The following HRH1 variants were observed in gnomAD, a reference collection of about 807,000 sequenced individuals.
HRH1 encodes the protein histamine H1 receptor.
In HRH1, 6 loss-of-function variants were observed where a neutral mutation model predicts 10.3. That is an observed-to-expected ratio of 0.58 (90% CI 0.32 to 1.15). The LOEUF (loss-of-function observed/expected upper bound fraction) is 1.15, where lower values mean the gene tolerates loss of function less well. HRH1 is among the 50% of genes most tolerant of loss of function. The pLI is 0.05. For missense variants in HRH1, 514 were observed against 615.3 expected (o/e 0.84, Z 1.74); for synonymous variants, 242 against 236.7 (o/e 1.02, Z -0.21).
chr3:11,166,388 A>G (rs1404571298), intron 1 of HRH1, among the ~76,000 whole-genome samples: 8 of 152,242 alleles, frequency 5.3e-5, no homozygotes, highest in Admixed American at 2.0e-4. Context: ...CATTCATTCA[A>G]CAACATCTAT....
In HRH1 at chr3:11,215,709, G is replaced by T. The variant is rs567915384; in HGVS notation, c.-35-43294G>T. 1.2e-4 allele frequency among the ~76,000 whole-genome samples: 19 copies of T among 152,310 alleles called. 1 individual carries two copies. In the South Asian group the frequency reaches 3.3e-3, roughly 27 times the overall value. ...GCCCGCCTCGGCCTCTCAGAGTGCT[G>T]GGATTACAGGCGTGAGCCACCGCGC... On this transcript the variant is annotated intron_variant, in intron 1 of 1. Coordinates refer to ENST00000431010, the MANE Select transcript of HRH1 (RefSeq NM_001098212.2).
intron 1 of HRH1, among the ~76,000 whole-genome samples, chr3:11,189,864 C>T (rs1267194545): frequency 6.6e-6 from 1 of 152,068 alleles, no homozygotes; most frequent in Non-Finnish European, 1.5e-5. Flanking sequence ...GCACAAGAAT[C>T]GCTTCAACCC....
chr3:11,212,690 G>C (rs907647161), intron 1 of HRH1, among the ~76,000 whole-genome samples: 1 of 152,162 alleles, frequency 6.6e-6, no homozygotes, highest in Non-Finnish European at 1.5e-5. Context: ...AAGTCCACAA[G>C]TACCTTTCGG....
chr3:11,171,945 G>A (rs1007885524), intron 1 of HRH1, among the ~76,000 whole-genome samples: 6 of 152,228 alleles, frequency 3.9e-5, no homozygotes, highest in Admixed American at 2.0e-4. Context: ...AAATATATTT[G>A]TGCAGGAGAT....
chr3:11,258,229 C>T (rs1270342546), intron 1 of HRH1, among the ~76,000 whole-genome samples: 1 of 100,314 alleles, frequency 1.0e-5, no homozygotes, highest in Non-Finnish European at 1.8e-5. Context: ...ACTGCCACAA[C>T]AGTGATGTAA....
chr3:11,261,337 G>T lies in HRH1; in HGVS notation c.*836G>T, dbSNP rs573821197. ...AATGGGGGCAGAATGCCATATTTTT[G>T]AGGGCTGTACTAGGTTTATCTCATT... is the stretch of plus-strand genomic sequence containing the variant. On this transcript the variant is annotated 3_prime_UTR_variant, in exon 2 of 2. Transcript: ENST00000431010. 6.0e-6 allele frequency: 1 copy of T among 167,090 alleles called. No homozygotes were observed. Among genetic ancestry groups the T allele is most frequent in the Non-Finnish European group, 1.5e-5 (1 of 68,122 alleles). The allele number at this position is 167,090 out of a possible 1,614,324, so 10.4% of individuals were successfully genotyped here. A position where few individuals can be genotyped will look rare whatever the true frequency, so the allele number is the denominator to read the frequency against.
At chr3:11,241,177 A>T (rs554097038) in intron 1 of HRH1, among the ~76,000 whole-genome samples, 51 of 152,348 alleles carry the variant, frequency 3.3e-4, no homozygotes, top group African/African-American at 1.1e-3. Flanking sequence ...AATAAGTATC[A>T]TCCAGTACCC....
rs750958376 is a variant in HRH1 at position 11,259,138 on chromosome 3, T to C, written c.101T>C (p.Leu34Pro). 1.9e-6 allele frequency: 3 copies of C among 1,614,032 alleles called. No individual in the cohort carries two copies. In the African/African-American group the frequency reaches 4.0e-5, roughly 22 times the overall value. ...CAGCTGATGCCCCTGGTGGTGGTCC[T>C]GAGCACTATCTGCTTGGTCACAGTA... is the stretch of plus-strand genomic sequence containing the variant. ...SPQLMPLVVV[L>P]STICLVTVGL... The change falls in exon 2 of 2, where the codon CTG becomes CCG. Residue 34 changes from leucine (L) to proline (P), a missense_variant. Coordinates refer to ENST00000431010, the MANE Select transcript of HRH1 (RefSeq NM_001098212.2). This position sits in a 1 kb window ranked among gnomAD's most constrained non-coding sequence, Gnocchi z 4.6.
At chr3:11,213,225 A>G (rs918648063) in intron 1 of HRH1, among the ~76,000 whole-genome samples, 1 of 152,176 alleles carries the variant, frequency 6.6e-6, no homozygotes, top group African/African-American at 2.4e-5. Flanking sequence ...TTATTTTCCC[A>G]ACATCTAGAC....
At chr3:11,173,391 G>T (rs7632878) in intron 1 of HRH1, among the ~76,000 whole-genome samples, 29,105 of 151,414 alleles carry the variant, frequency 0.19, 5,269 homozygotes, top group African/African-American at 0.48. Context: ...TATATATGGG[G>T]TTTTTTTGTT....
At position 11,255,728 on chromosome 3, in the gene HRH1, G is replaced by A. The variant is rs114966388; in HGVS notation, c.-35-3275G>A. Among the ~76,000 whole-genome samples the A allele has an allele frequency of 4.8e-3, 729 of 152,308 alleles. 6 individuals carry two copies. Among genetic ancestry groups the A allele is most frequent in the African/African-American group, 0.017 (698 of 41,558 alleles). On this transcript the variant is annotated intron_variant, in intron 1 of 1. Transcript: ENST00000431010. ...GCCGGGAGGAGGCTTCCAGGTCTTA[G>A]GAAGATAAGAGACAGATGGTTGCAT...
chr3:11,155,519 C>T (rs1244970001), intron 1 of HRH1, among the ~76,000 whole-genome samples: 1 of 152,168 alleles, frequency 6.6e-6, no homozygotes, highest in Non-Finnish European at 1.5e-5. Context: ...CCTCCTGATT[C>T]CCTGATCCCT....
chr3:11,202,261 C>A (rs917959570), intron 1 of HRH1, among the ~76,000 whole-genome samples: 2 of 151,692 alleles, frequency 1.3e-5, no homozygotes, highest in East Asian at 1.9e-4. Context: ...AAAATTGGCC[C>A]GGTGTGGTGG....
chr3:11,169,976 C>T (rs1397463505), intron 1 of HRH1, among the ~76,000 whole-genome samples: 1 of 152,190 alleles, frequency 6.6e-6, no homozygotes, highest in African/African-American at 2.4e-5. Context: ...TCCTCCTCCC[C>T]ACAGTGTGCG....
In HRH1 at chr3:11,259,561, G is replaced by A. The variant is rs200066638; in HGVS notation, c.524G>A (p.Arg175His). ...CACTTCATGCAGCAGACCTCGGTGCGCCGAGAGGACAAGTGTGAGACAGAC... is the reference window on the plus strand; with the variant it reads ...CACTTCATGCAGCAGACCTCGGTGCACCGAGAGGACAAGTGTGAGACAGAC... Reference protein sequence around the residue: ...WNHFMQQTSVRREDKCETDFY... With the variant: ...WNHFMQQTSVHREDKCETDFY... The change falls in exon 2 of 2, where the codon CGC becomes CAC. Residue 175 changes from arginine (R) to histidine (H), a missense_variant. Physicochemically the swap from Arg to His is conservative, Grantham distance 29 (BLOSUM62 0). Coordinates refer to ENST00000431010, the MANE Select transcript of HRH1 (RefSeq NM_001098212.2). The surrounding 1 kb of genome is among the most constrained non-coding windows in gnomAD (Gnocchi z 4.6). The A allele has an allele frequency of 4.6e-5, 75 of 1,613,896 alleles. No individual in the cohort carries two copies. The highest frequency in any genetic ancestry group is 8.0e-5 in the African/African-American group (6 of 74,946).
At chr3:11,247,668 G>C (rs1255838572) in intron 1 of HRH1, among the ~76,000 whole-genome samples, 2 of 151,476 alleles carry the variant, frequency 1.3e-5, no homozygotes, top group African/African-American at 4.9e-5. Flanking sequence ...AAAGAACAGG[G>C]AACTAAAGCT....
At chr3:11,183,412 T>C (rs1937393419) in intron 1 of HRH1, among the ~76,000 whole-genome samples, 1 of 152,122 alleles carries the variant, frequency 6.6e-6, no homozygotes, top group Non-Finnish European at 1.5e-5. Context: ...CTGTCAGAAC[T>C]CACAAAGGAG....
At position 11,193,778 on chromosome 3, in the gene HRH1, G is replaced by C. The variant is rs1477691603; in HGVS notation, c.-36+39224G>C. 4.6e-5 allele frequency among the ~76,000 whole-genome samples: 7 copies of C among 152,194 alleles called. No homozygotes were observed. The East Asian group carries it at 1.3e-3, about 29-fold the overall frequency. On this transcript the variant is annotated intron_variant, in intron 1 of 1. Coordinates refer to ENST00000431010, the MANE Select transcript of HRH1 (RefSeq NM_001098212.2). ...CACTGTGTCTTCGCATGGTGGGAAGGGTGAGGAGTCTCTGTCAGGCCTCTC... is the reference window on the plus strand; with the variant it reads ...CACTGTGTCTTCGCATGGTGGGAAGCGTGAGGAGTCTCTGTCAGGCCTCTC...
At chr3:11,142,250 G>A (rs1936305370) in intron 1 of HRH1, among the ~76,000 whole-genome samples, 1 of 152,220 alleles carries the variant, frequency 6.6e-6, no homozygotes, top group Admixed American at 6.5e-5. Flanking sequence ...GAGTCCTGGA[G>A]CCTAGGTCTG....
Sources: allele counts gnomAD v4.1 joint callset (sites outside exome capture counted in the v4.1 genomes callset), GRCh38; gene constraint gnomAD v4.1.1; non-coding constraint Gnocchi (gnomAD v3.1); transcripts MANE v1.5; gene names NCBI Gene and HGNC (gene_info 2026-07-23, HGNC 2026-07-21).